PIEZO2: variants seen among roughly 807,000 people sequenced by gnomAD.
PIEZO2 encodes piezo type mechanosensitive ion channel component 2, also known as piezo-type mechanosensitive ion channel component 2.
PIEZO2 carries 172 observed loss-of-function variants against 337.3 expected under a neutral mutation model. The observed-to-expected ratio is 0.51, with a 90% confidence interval of 0.45 to 0.58. PIEZO2 has a LOEUF of 0.58. Among genes scored for constraint, PIEZO2 ranks in the 20% least tolerant of loss-of-function variants. The pLI, the probability that PIEZO2 is intolerant of heterozygous loss-of-function variation, is 0.00. For synonymous variants in PIEZO2, 1,251 were observed against 1,228.5 expected (o/e 1.02, Z -0.38); for missense variants, 3,028 against 3,391.3 (o/e 0.89, Z 2.66).
At chr18:10,928,975 G>T (rs1293987712) in intron 3 of PIEZO2, among the ~76,000 whole-genome samples, 1 of 152,086 alleles carries the variant, frequency 6.6e-6, no homozygotes, top group Non-Finnish European at 1.5e-5. Context: ...CTGTTTAATG[G>T]TTTAATTCAA....
intron 3 of PIEZO2, among the ~76,000 whole-genome samples, chr18:10,944,773 A>T (rs1246333234): frequency 6.6e-6 from 1 of 152,086 alleles, no homozygotes; most frequent in Admixed American, 6.6e-5. Flanking sequence ...TTATTCTCCC[A>T]CCAGAGACAA....
Position 10,767,968 on chromosome 18 carries a change from A to G in PIEZO2, c.2946+2180T>C, listed in dbSNP as rs2038436009. ...GGGATGGCACAGGCCAAGTCACAAC[A>G]TCCCCATCCCAGGGGGCCTTGCCCT... On this transcript the variant is annotated intron_variant, in intron 21 of 55. Transcript: ENST00000674853. This position sits in a 1 kb window ranked among gnomAD's most constrained non-coding sequence, Gnocchi z 4.2. Among the ~76,000 whole-genome samples the G allele has an allele frequency of 6.6e-6, 1 of 152,222 alleles. No individual in the cohort carries two copies. Among genetic ancestry groups the G allele is most frequent in the Admixed American group, 6.5e-5 (1 of 15,288 alleles).
intron 47 of PIEZO2, among the ~76,000 whole-genome samples, chr18:10,693,840 C>T (rs781358494): frequency 2.0e-4 from 30 of 152,000 alleles, no homozygotes; most frequent in Admixed American, 6.6e-5. Context: ...TCTTTCTTCT[C>T]TGAAATTAAG....
In PIEZO2 at chr18:10,855,659, C is replaced by A; in HGVS notation, c.704-93G>T. The A allele has an allele frequency of 9.6e-7, 1 of 1,042,692 alleles. No individual in the cohort carries two copies. The highest frequency in any genetic ancestry group is 2.8e-5 in the Admixed American group (1 of 36,134). 64.6% of individuals were successfully genotyped at this position (1,042,692 alleles called of 1,614,324 possible). On this transcript the variant is annotated intron_variant, in intron 6 of 55. Coordinates refer to ENST00000674853, the MANE Select transcript of PIEZO2 (RefSeq NM_001378183.1). The surrounding 1 kb of genome is among the most constrained non-coding windows in gnomAD (Gnocchi z 4.9). ...GACTATTTGAAATTATGTGAATTTC[C>A]TTCAAGTGTTTTTAGGTTTTTTAAA...
rs910056102 is a variant in PIEZO2 at position 10,673,752 on chromosome 18, A to T, written c.8162-879T>A. ...AACATGGTGGTGAACTATAAACTAA[A>T]CTGTGTGAAGGTGGGAGCAACATCA... On this transcript the variant is annotated intron_variant, in intron 54 of 55. Coordinates refer to ENST00000674853, the MANE Select transcript of PIEZO2 (RefSeq NM_001378183.1). The surrounding 1 kb of genome is among the most constrained non-coding windows in gnomAD (Gnocchi z 4.8). Among the ~76,000 whole-genome samples, 1 of 152,170 alleles carries T rather than the reference A, an allele frequency of 6.6e-6. No homozygotes were observed.
intron 1 of PIEZO2, among the ~76,000 whole-genome samples, chr18:11,121,380 C>T (rs1157026801): frequency 6.6e-6 from 1 of 152,082 alleles, no homozygotes; most frequent in African/African-American, 2.4e-5. Flanking sequence ...CATAGTAGAA[C>T]CCTGTCTCTA....
At chr18:11,142,125 T>G (rs2040668239) in intron 1 of PIEZO2, among the ~76,000 whole-genome samples, 1 of 152,144 alleles carries the variant, frequency 6.6e-6, no homozygotes, top group South Asian at 2.1e-4. Flanking sequence ...TCCTATATGA[T>G]AAAGCAAGGC....
intron 44 of PIEZO2, 77 bp downstream of exon 44, chr18:10,698,848 C>G: frequency 6.6e-7 from 1 of 1,508,458 alleles, no homozygotes; most frequent in Admixed American, 2.1e-5. Context: ...ACTCCCTTGC[C>G]CCAGACCCAC....
chr18:10,879,598 T>C (rs2042360397), intron 4 of PIEZO2, among the ~76,000 whole-genome samples: 1 of 152,038 alleles, frequency 6.6e-6, no homozygotes, highest in Non-Finnish European at 1.5e-5. Flanking sequence ...GGTTTCATCA[T>C]ATTAGCCAGG....
intron 28 of PIEZO2, among the ~76,000 whole-genome samples, chr18:10,752,336 G>A (rs1354222694): frequency 6.6e-6 from 1 of 152,202 alleles, no homozygotes. Flanking sequence ...CAGGAGTGAT[G>A]ACAAATTGTT....
intron 49 of PIEZO2, among the ~76,000 whole-genome samples, chr18:10,687,060 A>G (rs1457683508): frequency 6.6e-6 from 1 of 152,110 alleles, no homozygotes; most frequent in Non-Finnish European, 1.5e-5. Flanking sequence ...TCAAAGTATC[A>G]CGTGCCCCTC....
intron 3 of PIEZO2, among the ~76,000 whole-genome samples, chr18:10,913,729 C>T (rs2030680986): frequency 6.6e-6 from 1 of 151,998 alleles, no homozygotes. Flanking sequence ...CAAAAGGTTT[C>T]GATGCAAGAC....
intron 3 of PIEZO2, among the ~76,000 whole-genome samples, chr18:10,967,278 A>G (rs761588281): frequency 6.6e-6 from 1 of 152,022 alleles, no homozygotes; most frequent in Non-Finnish European, 1.5e-5. Context: ...CGGCCTCCCA[A>G]AGTGCTGGGA....
chr18:10,710,909 A>C (rs1234747188), intron 39 of PIEZO2, among the ~76,000 whole-genome samples: 1 of 152,240 alleles, frequency 6.6e-6, no homozygotes, highest in African/African-American at 2.4e-5. Flanking sequence ...TAACTCCTTT[A>C]CTGGCAACAA....
At position 10,855,212 on chromosome 18, in the gene PIEZO2, AC is replaced by A. The variant is rs1008292756; in HGVS notation, c.917+140del. On this transcript the variant is annotated intron_variant, in intron 7 of 55. Transcript: ENST00000674853. The surrounding 1 kb of genome is among the most constrained non-coding windows in gnomAD (Gnocchi z 4.9). The stretch of plus-strand genomic sequence containing the variant: ...TACAATGAAAGTGCTAGACTGCTTC[AC>A]CCACCCCCACAAAATCTTTGCTTAA... The A allele has an allele frequency of 4.2e-5, 30 of 716,204 alleles. No homozygotes were observed. The African/African-American group carries it at 5.2e-4, about 12-fold the overall frequency. 44.4% of individuals were successfully genotyped at this position (716,204 alleles called of 1,614,324 possible).
rs1227232317 is a variant in PIEZO2 at position 10,927,866 on chromosome 18, C to CT, written c.287-16639dup. Among the ~76,000 whole-genome samples, 4 of 152,122 alleles carry CT rather than the reference C, an allele frequency of 2.6e-5. No homozygotes were observed. In the East Asian group the frequency reaches 7.7e-4, roughly 29 times the overall value. The stretch of plus-strand genomic sequence containing the variant: ...GGCTCGCTTTATTTTATTTTATACT[C>CT]TATTTGCTTTAGGTCAAATTGGAGA... On this transcript the variant is annotated intron_variant, in intron 3 of 55. Coordinates refer to ENST00000674853, the MANE Select transcript of PIEZO2 (RefSeq NM_001378183.1).
chr18:10,855,595 C>A lies in PIEZO2; in HGVS notation c.704-29G>T. ...AGGAAGAGAAACGTAATCACAAAGT[C>A]AGGTAGAACTGGAAATTCACTTATC... On this transcript the variant is annotated intron_variant, in intron 6 of 55. Transcript: ENST00000674853. The surrounding 1 kb of genome is among the most constrained non-coding windows in gnomAD (Gnocchi z 4.9). The A allele has an allele frequency of 1.4e-6, 2 of 1,473,434 alleles. No homozygotes were observed. Among genetic ancestry groups the A allele is most frequent in the South Asian group, 2.4e-5 (2 of 81,944 alleles). The allele number at this position is 1,473,434 out of a possible 1,614,324, so 91.3% of individuals were successfully genotyped here.
chr18:10,867,742 T>C (rs2042042874), intron 5 of PIEZO2, among the ~76,000 whole-genome samples: 1 of 152,180 alleles, frequency 6.6e-6, no homozygotes, highest in Admixed American at 6.5e-5. Context: ...TTTGGTGAAA[T>C]GATATATTGT....
chr18:11,130,876 G>T (rs948573730), intron 1 of PIEZO2, among the ~76,000 whole-genome samples: 4 of 152,216 alleles, frequency 2.6e-5, no homozygotes. Context: ...CATTCTGAGT[G>T]GGGTACAGAA....
Sources: gnomAD v4.1 joint callset for allele counts (sites outside exome capture counted in the v4.1 genomes callset) on GRCh38, gnomAD v4.1.1 for gene constraint, Gnocchi (gnomAD v3.1) non-coding constraint, MANE v1.5 for transcripts, NCBI Gene and HGNC (gene_info 2026-07-23, HGNC 2026-07-21) for gene names.